TRPV2: variants seen among roughly 807,000 people sequenced by gnomAD.
TRPV2 encodes the protein transient receptor potential cation channel subfamily V member 2.
TRPV2 carries 58 observed loss-of-function variants against 91.0 expected under a neutral mutation model. The observed-to-expected ratio is 0.64, with a 90% CI of 0.52 to 0.79. The LOEUF is 0.79. Ranked by LOEUF, TRPV2 falls within the 30% of genes least tolerant of loss-of-function variation. The pLI is 0.00. For synonymous variants in TRPV2, 417 were observed against 414.8 expected (o/e 1.01, Z -0.06); for missense variants, 807 against 969.6 (o/e 0.83, Z 2.23).
rs763098732 is a variant in TRPV2, at chr17:16,433,653, T to A, written c.2069T>A (p.Val690Asp). ...CAGCGGGCAGGTGTGATGCTGACCGTTGGCACTAAGCCAGATGGCAGCCCC... is the reference window on the plus strand; with the variant it reads ...CAGCGGGCAGGTGTGATGCTGACCGATGGCACTAAGCCAGATGGCAGCCCC... ...KKQRAGVMLT[V>D]GTKPDGSPDE... The change falls in exon 13 of 15, where the codon GTT (valine) becomes GAT (aspartate). Residue 690 changes from valine to aspartate, a missense_variant. Physicochemically the swap from Val to Asp is radical, Grantham distance 152. Transcript: ENST00000338560. The A allele has an allele frequency of 6.2e-7, 1 of 1,614,184 alleles. No individual in the cohort carries two copies. Among genetic ancestry groups the A allele is most frequent in the Admixed American group, 1.7e-5 (1 of 60,030 alleles).
At position 16,422,120 on chromosome 17, in the gene TRPV2, C is replaced by T. The variant is rs556349157; in HGVS notation, c.335-479C>T. 5.3e-5 allele frequency among the ~76,000 whole-genome samples: 8 copies of T among 151,658 alleles called. No individual in the cohort carries two copies. The South Asian group carries it at 6.2e-4, about 12-fold the overall frequency. On this transcript the variant is annotated intron_variant, in intron 3 of 14. Coordinates refer to ENST00000338560, the MANE Select transcript of TRPV2 (RefSeq NM_016113.5). ...GAGATCGAGACCATCCTGGCTAACA[C>T]GGTAAAACCCGTCTCTGCTGAAAAC...
intron 10 of TRPV2, 35 bp downstream of exon 10, chr17:16,429,017 G>A (rs764452552): frequency 6.2e-7 from 1 of 1,609,550 alleles, no homozygotes; most frequent in African/African-American, 1.3e-5. Context: ...GGACTCTTTT[G>A]GCCTCATCAG....
intron 10 of TRPV2, among the ~76,000 whole-genome samples, chr17:16,431,044 T>TG (rs1011434043): frequency 7.0e-6 from 1 of 143,636 alleles, no homozygotes; most frequent in African/African-American, 2.9e-5. Flanking sequence ...AAGGTTTTTT[T>TG]TTTTTGTTTT....
At chr17:16,418,639 G>T (rs2093342222) in intron 2 of TRPV2, among the ~76,000 whole-genome samples, 1 of 152,108 alleles carries the variant, frequency 6.6e-6, no homozygotes, top group African/African-American at 2.4e-5. Context: ...GGGTAGGGGA[G>T]GATGCATGAG....
chr17:16,431,287 ACATAT>A (rs1399571780), intron 10 of TRPV2, among the ~76,000 whole-genome samples: 4 of 25,448 alleles, frequency 1.6e-4, no homozygotes, highest in Admixed American at 4.0e-4. Flanking sequence ...ATATATATAT[ACATAT>A]TTTTTTTTTT....
rs766739503 is a variant in TRPV2, at chr17:16,422,597, A to G, written c.335-2A>G. ...GCCCCTTCCCCTCCCTTCTTCCCAC[A>G]GAGGGCTCCACAGGTAAGACGTGCC... On this transcript the variant is annotated splice_acceptor_variant, in intron 3 of 14. Transcript: ENST00000338560. LOFTEE classifies it high-confidence loss of function. 7 of 1,611,648 alleles carry G rather than the reference A, an allele frequency of 4.3e-6. No homozygotes were observed. The highest frequency in any genetic ancestry group is 5.1e-6 in the Non-Finnish European group (6 of 1,178,372).
Position 16,434,894 on chromosome 17 carries a change from G to A in TRPV2, c.2119G>A (p.Glu707Lys). The A allele has an allele frequency of 6.2e-7, 1 of 1,611,748 alleles. No homozygotes were observed. Among genetic ancestry groups the A allele is most frequent in the Non-Finnish European group, 8.5e-7 (1 of 1,179,294 alleles). ...SPDERWCFRV[E>K]EVNWASWEQT... Reference sequence around the variant, plus strand: ...GAGCTGCTCTGTTGCCCTCAGGGTGGAGGAGGTGAACTGGGCTTCATGGGA... The same window carrying A: ...GAGCTGCTCTGTTGCCCTCAGGGTGAAGGAGGTGAACTGGGCTTCATGGGA... Residue 707 changes from glutamate (E) to lysine (K), a missense_variant, in exon 14 of 15, where the codon GAG (glutamate) becomes AAG (lysine). Glu to Lys is a moderately conservative substitution (Grantham distance 56, BLOSUM62 1). Coordinates refer to ENST00000338560, the MANE Select transcript of TRPV2 (RefSeq NM_016113.5).
chr17:16,434,992 C>T (rs115718041), intron 14 of TRPV2, 23 bp downstream of exon 14: 31,147 of 1,600,666 alleles, frequency 0.019, 371 homozygotes, highest in Middle Eastern at 0.037. Flanking sequence ...GTGACTAGAG[C>T]CTCTGCCCTG....
At chr17:16,436,671 C>T (rs895380802) in intron 14 of TRPV2, 118 bp from the exon 15 acceptor site, 7 of 716,232 alleles carry the variant, frequency 9.8e-6, no homozygotes, top group South Asian at 1.6e-5. Context: ...CCTCCAGGAT[C>T]GCTGAGGCTG....
chr17:16,434,480 A>AAG (rs1384551523), intron 13 of TRPV2, among the ~76,000 whole-genome samples: 7 of 151,838 alleles, frequency 4.6e-5, no homozygotes, highest in Admixed American at 2.0e-4. Context: ...AAAAAAAAAA[A>AAG]AAAAGAAAAC....
chr17:16,430,067 G>A (rs1460331869), intron 10 of TRPV2, among the ~76,000 whole-genome samples: 5 of 152,042 alleles, frequency 3.3e-5, no homozygotes, highest in East Asian at 1.9e-4. Flanking sequence ...TTTTCACCAC[G>A]TTGGCCAGGC....
chr17:16,431,288 CA>C, intron 10 of TRPV2, among the ~76,000 whole-genome samples: 1 of 71,466 alleles, frequency 1.4e-5, no homozygotes, highest in South Asian at 5.3e-4. Flanking sequence ...TATATATATA[CA>C]TATTTTTTTT....
chr17:16,418,045 G>C (rs562095234), intron 2 of TRPV2, among the ~76,000 whole-genome samples, 177 bp downstream of exon 2: 1 of 152,302 alleles, frequency 6.6e-6, no homozygotes, highest in South Asian at 2.1e-4. Flanking sequence ...CTGCCATCTG[G>C]CATTGCTCTT....
intron 13 of TRPV2, 42 bp from the exon 14 acceptor site, chr17:16,434,848 G>C: frequency 1.3e-6 from 2 of 1,593,932 alleles, no homozygotes. Flanking sequence ...GAGGGGAGGC[G>C]GTCAAAGCAG....
chr17:16,434,544 C>T (rs1199941763), intron 13 of TRPV2, among the ~76,000 whole-genome samples: 1 of 151,872 alleles, frequency 6.6e-6, no homozygotes, highest in South Asian at 2.1e-4. Flanking sequence ...AGCAGAGAGA[C>T]GGAGTCTTGG....
chr17:16,421,524 T>C (rs2093357180), intron 3 of TRPV2, among the ~76,000 whole-genome samples: 1 of 149,648 alleles, frequency 6.7e-6, no homozygotes, highest in Non-Finnish European at 1.5e-5. Flanking sequence ...TGGCCATTTT[T>C]TTTTTTTTTT....
intron 10 of TRPV2, among the ~76,000 whole-genome samples, chr17:16,430,574 C>A (rs2093405222): frequency 6.6e-6 from 1 of 151,864 alleles, no homozygotes; most frequent in African/African-American, 2.4e-5. Flanking sequence ...CAACCTCCGC[C>A]ACCCAGGTTC....
At chr17:16,433,445 G>A (rs1600991962) in intron 12 of TRPV2, 129 bp from the exon 13 acceptor site, 7 of 1,343,310 alleles carry the variant, frequency 5.2e-6, no homozygotes, top group East Asian at 2.4e-5. Flanking sequence ...ATTCGAATCC[G>A]CGTGTTTAGT....
chr17:16,432,900 G>A (rs2093420045), intron 12 of TRPV2, among the ~76,000 whole-genome samples: 2 of 151,572 alleles, frequency 1.3e-5, no homozygotes, highest in Admixed American at 1.3e-4. Flanking sequence ...TTGTCTCCTG[G>A]GTTCAAGCGA....
Sources: gnomAD v4.1 joint callset for allele counts (sites outside exome capture counted in the v4.1 genomes callset) on GRCh38, gnomAD v4.1.1 for gene constraint, MANE v1.5 for transcripts, NCBI Gene and HGNC (gene_info 2026-07-23, HGNC 2026-07-21) for gene names.